SLC1A6: variants seen among roughly 807,000 people sequenced by gnomAD.
SLC1A6 encodes the protein excitatory amino acid transporter 4.
SLC1A6 carries 15 observed loss-of-function variants against 42.1 expected under a neutral mutation model. That is an observed-to-expected ratio of 0.36 (90% confidence interval 0.24 to 0.55). SLC1A6 has a LOEUF of 0.55. Among genes scored for constraint, SLC1A6 ranks in the 20% least tolerant of loss-of-function variants. SLC1A6 has a pLI of 0.88. For missense variants in SLC1A6, 542 were observed against 772.5 expected (o/e 0.70, Z 3.54); for synonymous variants, 317 against 319.7 (o/e 0.99, Z 0.09).
At chr19:15,005,674 T>C (rs553390944) in intron 1 of SLC1A6, among the ~76,000 whole-genome samples, 3 of 152,288 alleles carry the variant, frequency 2.0e-5, no homozygotes, top group South Asian at 2.1e-4. Context: ...AAATGAGAAG[T>C]TGGTCTGATT....
intron 5 of SLC1A6, among the ~76,000 whole-genome samples, chr19:14,962,881 G>A (rs186502420): frequency 1.4e-3 from 216 of 152,046 alleles, no homozygotes; most frequent in African/African-American, 4.3e-3. Flanking sequence ...CCAACCTGGC[G>A]ACAGAGTGAG....
intron 8 of SLC1A6, 31 bp from the exon 9 acceptor site, chr19:14,953,093 A>AT (rs1568283273): frequency 6.4e-7 from 1 of 1,572,114 alleles, no homozygotes; most frequent in East Asian, 2.2e-5. Context: ...TGGGGAGCAG[A>AT]TGGAGGGAAG....
At position 14,973,213 on chromosome 19, in the gene SLC1A6, C is replaced by A. The variant is rs149588957; in HGVS notation, c.-7-296G>T. On this transcript the variant is annotated intron_variant, in intron 1 of 9. Coordinates refer to ENST00000594383, the MANE Select transcript of SLC1A6 (RefSeq NM_005071.3). ...CCCAAGAGTTCAAGGTTACAGTGAT[C>A]TATGATCTTCCCAGCCTGAGCAAGA... 45 of 380,342 alleles carry A rather than the reference C, an allele frequency of 1.2e-4. 1 individual carries two copies. Among genetic ancestry groups the A allele is most frequent in the African/African-American group, 8.7e-4 (42 of 48,146 alleles). 23.6% of individuals were successfully genotyped at this position (380,342 alleles called of 1,614,324 possible).
intron 6 of SLC1A6, among the ~76,000 whole-genome samples, chr19:14,957,283 A>G (rs1375929081): frequency 6.6e-6 from 1 of 152,220 alleles, no homozygotes; most frequent in Non-Finnish European, 1.5e-5. Flanking sequence ...CCTACTGAGT[A>G]CCAGGCACAT....
chr19:14,995,154 G>A (rs11671379), intron 1 of SLC1A6, among the ~76,000 whole-genome samples: 31,963 of 151,566 alleles, frequency 0.21, 3,873 homozygotes, highest in East Asian at 0.47. Flanking sequence ...GCGAAACTCC[G>A]TCTCTACTAA....
At chr19:14,998,250 A>G (rs892889397) in intron 1 of SLC1A6, among the ~76,000 whole-genome samples, 5 of 152,178 alleles carry the variant, frequency 3.3e-5, no homozygotes, top group African/African-American at 1.2e-4. Context: ...ACATTAAAAC[A>G]GAGATCTTGG....
At chr19:14,971,986 T>G in intron 2 of SLC1A6, 112 bp from the exon 3 acceptor site, 9 of 979,786 alleles carry the variant, frequency 9.2e-6, no homozygotes, top group Non-Finnish European at 1.4e-5. Flanking sequence ...GAGAGAAATA[T>G]CCTATGAGTG....
chr19:14,966,887 G>A (rs1211669334), intron 4 of SLC1A6, among the ~76,000 whole-genome samples: 3 of 152,016 alleles, frequency 2.0e-5, no homozygotes, highest in African/African-American at 7.3e-5. Context: ...GGGCTGTGGG[G>A]GCAAAGGGAG....
intron 6 of SLC1A6, 76 bp from the exon 7 acceptor site, chr19:14,956,785 G>T (rs1019755924): frequency 5.0e-6 from 5 of 990,970 alleles, no homozygotes; most frequent in African/African-American, 1.6e-5. Context: ...CATCCCCAAG[G>T]CTTTGCCCAT....
At chr19:14,997,074 T>C (rs1237208976) in intron 1 of SLC1A6, among the ~76,000 whole-genome samples, 1 of 152,108 alleles carries the variant, frequency 6.6e-6, no homozygotes, top group Non-Finnish European at 1.5e-5. Context: ...GCTACTAAGA[T>C]AAAAGAGCTA....
chr19:14,957,052 C>G (rs1159125004), intron 6 of SLC1A6, among the ~76,000 whole-genome samples: 2 of 152,186 alleles, frequency 1.3e-5, no homozygotes. Flanking sequence ...CAGTTTCCTT[C>G]CTTAGACATT....
chr19:15,010,200 A>G (rs930285504), intron 1 of SLC1A6, among the ~76,000 whole-genome samples: 6 of 82,266 alleles, frequency 7.3e-5, no homozygotes, highest in African/African-American at 2.0e-4. Flanking sequence ...AAAAAAAAGA[A>G]AGAAAGAAAA....
chr19:14,960,121 T>A (rs1344011407), intron 6 of SLC1A6, among the ~76,000 whole-genome samples: 2 of 150,864 alleles, frequency 1.3e-5, no homozygotes, highest in African/African-American at 4.9e-5. Flanking sequence ...GAAGGAATGA[T>A]GGAAGGAAGG....
At chr19:14,982,764 C>CTTG (rs1420131242), upstream of SLC1A6, among the ~76,000 whole-genome samples, 1 of 152,004 alleles carries the variant, frequency 6.6e-6, no homozygotes, top group African/African-American at 2.4e-5. Flanking sequence ...CTGGGAGATC[C>CTTG]CAAAGAGCTT....
upstream of SLC1A6, among the ~76,000 whole-genome samples, chr19:14,983,695 CAACAACAACAAG>C (rs1438105570): frequency 1.6e-5 from 1 of 61,062 alleles, no homozygotes; most frequent in Non-Finnish European, 3.0e-5. Context: ...CTCTAAAAAA[CAACAACAACAAG>C]AACAACAACA....
Position 14,968,311 on chromosome 19 carries a change from G to A in SLC1A6, c.540C>T (p.Asp180=). ...TTTTTAGGTTGGCACACCTGATCAG[G>A]TCCATGAAGGCATCAGCTGTGGGGA... ...ETIPTADAFM[D]LIRNMFPPNL... is the part of the protein sequence containing the mutation. The change falls in exon 4 of 10, where the codon GAC becomes GAT. Residue 180 remains aspartate (D), a synonymous_variant. Transcript: ENST00000594383. The A allele has an allele frequency of 6.2e-7, 1 of 1,612,224 alleles. No individual in the cohort carries two copies. The highest frequency in any genetic ancestry group is 8.5e-7 in the Non-Finnish European group (1 of 1,178,912).
chr19:14,993,526 G>T lies in SLC1A6; in HGVS notation c.6+16959C>A, dbSNP rs1396058759. Among the ~76,000 whole-genome samples the T allele has an allele frequency of 2.6e-5, 4 of 152,204 alleles. No individual in the cohort carries two copies. The East Asian group carries it at 5.8e-4, about 22-fold the overall frequency. ...TTTATTAACATGTGCTTTCTGCCCG[G>T]CATTGTACTGGGAGGGGAGGCCTGG... On this transcript the variant is annotated intron_variant, in intron 1 of 8. Coordinates refer to the SLC1A6 transcript ENST00000430939.
rs369312864 is a variant in SLC1A6, at chr19:14,956,421, T to G, written c.1169+55A>C. The G allele has an allele frequency of 2.5e-6, 3 of 1,204,812 alleles. No homozygotes were observed. The East Asian group carries it at 7.4e-5, about 30-fold the overall frequency. 74.6% of individuals were successfully genotyped at this position (1,204,812 alleles called of 1,614,324 possible). A position where few individuals can be genotyped will look rare whatever the true frequency, so the allele number is the denominator to read the frequency against. ...AGGGCAGGTGCCTTAGGAGAGGACA[T>G]GAAGGACAAGAAGTGCAACCAGGAA... On this transcript the variant is annotated intron_variant, in intron 7 of 9. Coordinates refer to ENST00000594383, the MANE Select transcript of SLC1A6 (RefSeq NM_005071.3).
chr19:14,964,379 A>T lies in SLC1A6; in HGVS notation c.549-18T>A. The T allele has an allele frequency of 6.2e-7, 1 of 1,612,268 alleles. No homozygotes were observed. On this transcript the variant is annotated intron_variant, in intron 4 of 9. Transcript: ENST00000594383. ...ACATATTTCTGCAGAAAAACATGAG[A>T]AGAAGGAAAGTGGTTAGACCATGGA...
Sources: allele counts gnomAD v4.1 joint callset (sites outside exome capture counted in the v4.1 genomes callset), GRCh38; gene constraint gnomAD v4.1.1; transcripts MANE v1.5; gene names NCBI Gene and HGNC (gene_info 2026-07-23, HGNC 2026-07-21).